Variants in ARHGAP6 observed in about 807,000 individuals in gnomAD.
ARHGAP6 encodes the protein rho GTPase-activating protein 6.
ARHGAP6 carries 16 observed loss-of-function variants against 55.7 expected under a neutral mutation model. That is an observed-to-expected ratio of 0.29 (90% confidence interval 0.19 to 0.44). ARHGAP6 has a LOEUF of 0.44. Ranked by LOEUF, ARHGAP6 falls within the 20% of genes least tolerant of loss-of-function variation. The pLI, the probability that ARHGAP6 is intolerant of heterozygous loss-of-function variation, is 1.00. For synonymous variants in ARHGAP6, 382 were observed against 360.9 expected, an observed-to-expected ratio of 1.06 and a Z score of -0.66; for missense variants, 698 against 808.9, an observed-to-expected ratio of 0.86 and a Z score of 1.66.
chrX:11,240,136 C>A (rs1323559617), intron 2 of ARHGAP6, among the ~76,000 whole-genome samples: 3 of 112,242 alleles, frequency 2.7e-5, no homozygotes, highest in Admixed American at 9.4e-5. Flanking sequence ...TTAATCCCAG[C>A]AACATAAGTT....
At chrX:11,396,320 G>A (rs1027761312) in intron 1 of ARHGAP6, among the ~76,000 whole-genome samples, 5 of 109,799 alleles carry the variant, frequency 4.6e-5, no homozygotes, top group Non-Finnish European at 7.6e-5. Flanking sequence ...TCTCTTAGGT[G>A]GCAGCCATAT....
At chrX:11,155,326 G>T (rs766433039) in intron 10 of ARHGAP6, among the ~76,000 whole-genome samples, 19 of 111,209 alleles carry the variant, frequency 1.7e-4, no homozygotes, top group Non-Finnish European at 3.2e-4. Flanking sequence ...ATGAGACAGA[G>T]TCTCACTCTG....
chrX:11,155,547 G>A (rs778429364), intron 10 of ARHGAP6, among the ~76,000 whole-genome samples: 1 of 111,617 alleles, frequency 9.0e-6, no homozygotes, highest in South Asian at 3.8e-4. Context: ...TGATCTGCCC[G>A]CCTCGGCATC....
At chrX:11,250,059 G>A (rs970961434) in intron 2 of ARHGAP6, among the ~76,000 whole-genome samples, 1 of 111,208 alleles carries the variant, frequency 9.0e-6, no homozygotes. Context: ...TATTTATCAC[G>A]TAATAAATTT....
intron 1 of ARHGAP6, among the ~76,000 whole-genome samples, chrX:11,336,994 T>C (rs1482439589): frequency 9.0e-6 from 1 of 111,088 alleles, no homozygotes; most frequent in Non-Finnish European, 1.9e-5. Context: ...AGTCATTTCT[T>C]TCAAGAGGTA....
At chrX:11,579,535 T>C (rs1358041643) in intron 1 of ARHGAP6, among the ~76,000 whole-genome samples, 1 of 112,298 alleles carries the variant, frequency 8.9e-6, no homozygotes, top group Admixed American at 9.4e-5. Context: ...AGAAATAACA[T>C]CTTGATTAAC....
At position 11,168,500 on chromosome X, in the gene ARHGAP6, G is replaced by C. The variant is rs2046046068; in HGVS notation, c.1809+1005C>G. On this transcript the variant is annotated intron_variant, in intron 9 of 12. Transcript: ENST00000337414. ...CAGAGGGCAAATACTCTAAACTGCTGGGTCTCAAATTTACAAAAAGTAATT... is the reference window on the plus strand; with the variant it reads ...CAGAGGGCAAATACTCTAAACTGCTCGGTCTCAAATTTACAAAAAGTAATT... Among the ~76,000 whole-genome samples, 3 of 111,896 alleles carry C rather than the reference G, an allele frequency of 2.7e-5. No individual in the cohort carries two copies. The South Asian group carries it at 1.1e-3, about 41-fold the overall frequency.
chrX:11,228,521 G>T (rs2047086339), intron 2 of ARHGAP6, among the ~76,000 whole-genome samples: 2 of 111,839 alleles, frequency 1.8e-5, no homozygotes, highest in African/African-American at 3.2e-5. Context: ...GGACTTGGAA[G>T]AGTATAATGA....
intron 1 of ARHGAP6, among the ~76,000 whole-genome samples, chrX:11,316,302 T>C (rs2048358658): frequency 8.9e-6 from 1 of 112,233 alleles, no homozygotes; most frequent in Admixed American, 9.4e-5. Flanking sequence ...TCCAGTCATA[T>C]CCTTTTCTAG....
At chrX:11,275,718 C>G (rs957846322) in intron 1 of ARHGAP6, among the ~76,000 whole-genome samples, 3 of 111,642 alleles carry the variant, frequency 2.7e-5, no homozygotes, top group Non-Finnish European at 5.7e-5. Flanking sequence ...CTGCTTAGCT[C>G]TTGGGCTTCA....
Position 11,358,043 on chromosome X carries a change from C to T in ARHGAP6, c.589-103336G>A, listed in dbSNP as rs758218366. On this transcript the variant is annotated intron_variant, in intron 1 of 12. Transcript: ENST00000337414. ...CATACCCATTAACAGTTACTCCTCA[C>T]ATCCCTCTCCCTCAACCCCTAGCAA... is the stretch of plus-strand genomic sequence containing the variant. Among the ~76,000 whole-genome samples, 7 of 111,791 alleles carry T rather than the reference C, an allele frequency of 6.3e-5. No homozygotes were observed. In the Admixed American group the frequency reaches 6.7e-4, roughly 11 times the overall value.
chrX:11,218,682 T>C (rs763723216), intron 2 of ARHGAP6, among the ~76,000 whole-genome samples: 1 of 111,523 alleles, frequency 9.0e-6, no homozygotes, highest in South Asian at 3.8e-4. Flanking sequence ...CTTCCTAGTT[T>C]AGTCTTGGGA....
At chrX:11,142,391 T>A in intron 11 of ARHGAP6, 78 bp from the exon 12 acceptor site, 1 of 673,241 alleles carries the variant, frequency 1.5e-6, no homozygotes, top group Non-Finnish European at 2.3e-6. Context: ...TAACATCTCT[T>A]CTGTGCAAAG....
At chrX:11,294,778 A>G (rs1165838265) in intron 1 of ARHGAP6, 11 of 1,209,920 alleles carry the variant, frequency 9.1e-6, no homozygotes, top group Middle Eastern at 2.3e-4. Context: ...ACATTTCAGA[A>G]CCATCAAGAA....
chrX:11,534,288 T>C (rs1254042615), intron 1 of ARHGAP6, among the ~76,000 whole-genome samples: 1 of 111,553 alleles, frequency 9.0e-6, no homozygotes, highest in Non-Finnish European at 1.9e-5. Context: ...GGTGTTATTA[T>C]GGGTCCCACT....
In ARHGAP6 at chrX:11,454,954, C is replaced by T. The variant is rs6640738; in HGVS notation, c.589-200247G>A. On this transcript the variant is annotated intron_variant, in intron 1 of 12. Coordinates refer to ENST00000337414, the MANE Select transcript of ARHGAP6 (RefSeq NM_013427.3). Reference sequence around the variant, plus strand: ...GGAGCTGTTTGGCTTTATAACAAAACATATTTTTTTCAAGCACAACTTGGG... The same window carrying T: ...GGAGCTGTTTGGCTTTATAACAAAATATATTTTTTTCAAGCACAACTTGGG... Among the ~76,000 whole-genome samples, 887 of 111,853 alleles carry T rather than the reference C, an allele frequency of 7.9e-3. 17 individuals carry two copies. Among genetic ancestry groups the T allele is most frequent in the East Asian group, 0.071 (249 of 3,530 alleles).
intron 1 of ARHGAP6, among the ~76,000 whole-genome samples, chrX:11,522,755 C>A (rs1430027254): frequency 1.8e-5 from 2 of 111,035 alleles, no homozygotes; most frequent in African/African-American, 6.5e-5. Context: ...AGCTTACCAA[C>A]CAAAAAAAGT....
chrX:11,416,044 T>C (rs1351788629), intron 1 of ARHGAP6, among the ~76,000 whole-genome samples: 1 of 112,069 alleles, frequency 8.9e-6, no homozygotes, highest in African/African-American at 3.2e-5. Flanking sequence ...AGTACGATTT[T>C]GTGTGTCTAT....
At chrX:11,366,685 G>C (rs1227280269) in intron 1 of ARHGAP6, among the ~76,000 whole-genome samples, 1 of 112,034 alleles carries the variant, frequency 8.9e-6, no homozygotes, top group Non-Finnish European at 1.9e-5. Flanking sequence ...GTCATACTTT[G>C]CACAGGGATG....
Sources: gnomAD v4.1 joint callset for allele counts (sites outside exome capture counted in the v4.1 genomes callset) on GRCh38, gnomAD v4.1.1 for gene constraint, MANE v1.5 for transcripts, NCBI Gene and HGNC (gene_info 2026-07-23, HGNC 2026-07-21) for gene names.